The following MCM9 variants were observed in gnomAD, a reference collection of about 807,000 sequenced individuals.
The protein encoded by MCM9 is DNA helicase MCM9.
Under a neutral mutation model 72.8 loss-of-function variants are expected in MCM9, and 55 were observed. The ratio of observed to expected loss-of-function variants is 0.76; its 90% CI spans 0.61 to 0.95. The LOEUF (loss-of-function observed/expected upper bound fraction) is 0.95. Among genes scored for constraint, MCM9 ranks in the 40% least tolerant of loss-of-function variants. The pLI is 0.00. For missense variants in MCM9, 1,279 were observed against 1,377.0 expected, an observed-to-expected ratio of 0.93 and a Z score of 1.13; for synonymous variants, 480 against 503.4, an observed-to-expected ratio of 0.95 and a Z score of 0.62.
intron 8 of MCM9, among the ~76,000 whole-genome samples, chr6:118,880,678 A>G (rs188315698): frequency 1.3e-4 from 20 of 152,346 alleles, no homozygotes; most frequent in Admixed American, 8.5e-4. Context: ...TCTAATGATT[A>G]AAAGGTGATT....
Position 118,899,631 on chromosome 6 carries a change from G to A in MCM9, c.1150+12019C>T, listed in dbSNP as rs117680073. The stretch of plus-strand genomic sequence containing the variant: ...CATAATAGGTCCTCAGAAAATGATT[G>A]CTGACTTAATAAGAGAAAATAAAAA... On this transcript the variant is annotated intron_variant, in intron 8 of 13. Transcript: ENST00000619706. Among the ~76,000 whole-genome samples, 221 of 152,266 alleles carry A rather than the reference G, an allele frequency of 1.5e-3. 2 individuals carry two copies. The Middle Eastern group carries it at 0.017, about 12-fold the overall frequency.
intron 8 of MCM9, among the ~76,000 whole-genome samples, chr6:118,857,760 ATAACT>A (rs910068436): frequency 1.3e-5 from 2 of 152,078 alleles, no homozygotes; most frequent in Non-Finnish European, 2.9e-5. Flanking sequence ...CATACATTTG[ATAACT>A]TAACAAAATA....
chr6:118,861,284 G>A (rs1157654183), intron 8 of MCM9, among the ~76,000 whole-genome samples: 2 of 152,196 alleles, frequency 1.3e-5, no homozygotes, highest in African/African-American at 4.8e-5. Context: ...CCCCAAAGAG[G>A]GTGTTAAAGC....
chr6:118,835,740 G>A (rs1404391158), intron 9 of MCM9, among the ~76,000 whole-genome samples: 2 of 152,176 alleles, frequency 1.3e-5, no homozygotes, highest in Non-Finnish European at 2.9e-5. Context: ...TCAGTTTAAG[G>A]AGATTTTGGG....
intron 9 of MCM9, among the ~76,000 whole-genome samples, chr6:118,852,272 A>G (rs1376724822): frequency 6.6e-6 from 1 of 152,220 alleles, no homozygotes; most frequent in African/African-American, 2.4e-5. Flanking sequence ...GTATAACTAT[A>G]TATTACATGT....
intron 9 of MCM9, among the ~76,000 whole-genome samples, chr6:118,855,483 T>C (rs532886056): frequency 6.6e-6 from 1 of 152,306 alleles, no homozygotes; most frequent in South Asian, 2.1e-4. Context: ...AGTTCTTTCT[T>C]GTATCTTTTC....
At chr6:118,906,362 C>G (rs1780178328) in intron 8 of MCM9, among the ~76,000 whole-genome samples, 1 of 152,168 alleles carries the variant, frequency 6.6e-6, no homozygotes, top group Admixed American at 6.5e-5. Flanking sequence ...TGTGAGCCAC[C>G]ACGCCCAGAG....
chr6:118,843,434 G>C (rs1435008117), intron 9 of MCM9, among the ~76,000 whole-genome samples: 4 of 151,148 alleles, frequency 2.6e-5, no homozygotes, highest in African/African-American at 7.3e-5. Flanking sequence ...TTCGAGACCA[G>C]CCTCACCAAC....
At chr6:118,829,517 T>C (rs2114557274) in intron 9 of MCM9, among the ~76,000 whole-genome samples, 1 of 152,322 alleles carries the variant, frequency 6.6e-6, no homozygotes, top group South Asian at 2.1e-4. Context: ...TGCTAAGAAG[T>C]ATCCAAAATT....
rs1490701026 is a variant in MCM9, at chr6:118,917,736, A to C, written c.729T>G (p.Ile243Met). 1 of 1,614,148 alleles carries C rather than the reference A, an allele frequency of 6.2e-7. No homozygotes were observed. The highest frequency in any genetic ancestry group is 2.2e-5 in the East Asian group (1 of 44,882). ...GAAAGGGCTTCCACCGTTGCATTAC[A>C]ATCCCGTAAATAGTGAGGTCATCAC... ...KSGDDLTIYG[I>M]VMQRWKPFQQ... Residue 243 changes from isoleucine to methionine, a missense_variant, in exon 6 of 14, where the codon ATT becomes ATG. By Grantham distance (10) the Ile-to-Met change is conservative. Coordinates refer to ENST00000619706, the MANE Select transcript of MCM9 (RefSeq NM_017696.3).
chr6:118,824,202 T>G (rs996168347), intron 13 of MCM9, among the ~76,000 whole-genome samples: 3 of 151,982 alleles, frequency 2.0e-5, no homozygotes, highest in African/African-American at 7.2e-5. Flanking sequence ...AAAAAGCAAA[T>G]AGCTTTCAAA....
chr6:118,853,083 G>A (rs1429099963), intron 9 of MCM9, among the ~76,000 whole-genome samples: 1 of 151,992 alleles, frequency 6.6e-6, no homozygotes, highest in Non-Finnish European at 1.5e-5. Flanking sequence ...ATAATTTTGG[G>A]TGAATATGAA....
intron 8 of MCM9, among the ~76,000 whole-genome samples, chr6:118,861,084 T>C (rs1165515101): frequency 6.6e-6 from 1 of 152,056 alleles, no homozygotes; most frequent in Admixed American, 6.5e-5. Flanking sequence ...AGTGAATGAG[T>C]GTGGTGTCCA....
chr6:118,897,615 T>C (rs1293239160), intron 8 of MCM9, among the ~76,000 whole-genome samples: 1 of 152,142 alleles, frequency 6.6e-6, no homozygotes, highest in Non-Finnish European at 1.5e-5. Context: ...AAAAATTCTC[T>C]TGATGACTTC....
intron 3 of MCM9, among the ~76,000 whole-genome samples, chr6:118,931,104 T>A (rs1007411470): frequency 5.9e-5 from 9 of 152,216 alleles, no homozygotes; most frequent in Non-Finnish European, 1.3e-4. Flanking sequence ...GTATTACCAG[T>A]TCCTTTATTG....
At chr6:118,826,389 C>G in intron 12 of MCM9, 97 bp from the exon 13 acceptor site, 1 of 1,262,086 alleles carries the variant, frequency 7.9e-7, no homozygotes, top group Non-Finnish European at 1.1e-6. Context: ...CTAAGACCGC[C>G]GTTTACACCC....
intron 8 of MCM9, among the ~76,000 whole-genome samples, chr6:118,897,194 C>T (rs116308476): frequency 0.01 from 1,577 of 152,228 alleles, 31 homozygotes; most frequent in African/African-American, 0.036. Context: ...CCTCAAGTCT[C>T]AAAGCAGAGT....
Position 118,816,105 on chromosome 6 carries a change from T to C in MCM9, c.2151A>G (p.Pro717=), listed in dbSNP as rs2114489548. Residue 717 remains proline (P), a synonymous_variant, in exon 14 of 14, where the codon CCA becomes CCG. Transcript: ENST00000619706. Reference sequence around the variant, plus strand: ...TTGATCTATTAGGCTCCAGATGCGGTGGGGGATCTAGAACTGGGCTTCCCT... The same window carrying C: ...TTGATCTATTAGGCTCCAGATGCGGCGGGGGATCTAGAACTGGGCTTCCCT... The part of the protein sequence containing the change: ...SPEGSPVLDP[P]PHLEPNRSTS... 1 of 1,550,290 alleles carries C rather than the reference T, an allele frequency of 6.5e-7. No homozygotes were observed. Among genetic ancestry groups the C allele is most frequent in the South Asian group, 1.2e-5 (1 of 84,044 alleles).
At chr6:118,841,835 C>CT (rs750136757) in intron 9 of MCM9, among the ~76,000 whole-genome samples, 5,453 of 134,680 alleles carry the variant, frequency 0.04, 200 homozygotes, top group African/African-American at 0.082. Context: ...GCTATCTTGC[C>CT]TTTTTTTTTT....
Sources: gnomAD v4.1 joint callset for allele counts (sites outside exome capture counted in the v4.1 genomes callset) on GRCh38, gnomAD v4.1.1 for gene constraint, MANE v1.5 for transcripts, NCBI Gene and HGNC (gene_info 2026-07-23, HGNC 2026-07-21) for gene names.